BCLAF3: variants seen among roughly 807,000 people sequenced by gnomAD.
BCLAF3 encodes the protein transient octamer binding factor 1.
Under a neutral mutation model 51.2 loss-of-function variants are expected in BCLAF3, and 24 were observed. The observed-to-expected ratio is 0.47, with a 90% CI of 0.34 to 0.66. The LOEUF (loss-of-function observed/expected upper bound fraction) is 0.66, where lower values mean the gene tolerates loss of function less well. Among genes scored for constraint, BCLAF3 ranks in the 30% least tolerant of loss-of-function variants. BCLAF3 has a pLI of 0.01. For missense variants in BCLAF3, 465 were observed against 525.1 expected, an observed-to-expected ratio of 0.89 and a Z score of 1.12; for synonymous variants, 152 against 176.6, an observed-to-expected ratio of 0.86 and a Z score of 1.10.
intron 5 of BCLAF3, 81 bp from the exon 6 acceptor site, chrX:19,953,973 G>T: frequency 2.8e-6 from 3 of 1,082,156 alleles, no homozygotes; most frequent in Non-Finnish European, 3.6e-6. Flanking sequence ...AGAAAGAAGG[G>T]ATTATTTTTT....
chrX:19,950,963 G>A, intron 7 of BCLAF3, 95 bp from the exon 8 acceptor site: 1 of 547,613 alleles, frequency 1.8e-6, no homozygotes, highest in South Asian at 3.0e-5. Context: ...TCCTAGATAA[G>A]TTACCTTGTA....
In BCLAF3 at chrX:19,990,922, CCCGCCGCCGCCGCCGCCGCCGCCG is replaced by C. The variant is rs748679368; in HGVS notation, c.-73_-50del. ...GAGCCGCTCACCCGGCCGGGAAGCCCCCGCCGCCGCCGCCGCCGCCGCCGCCGCCGCCGCCGCCGCCGCCGCCGC... is the reference window on the plus strand; with the variant it reads ...GAGCCGCTCACCCGGCCGGGAAGCCCCCGCCGCCGCCGCCGCCGCCGCCGC... On this transcript the variant is annotated 5_prime_UTR_variant, in exon 1 of 12. Coordinates refer to ENST00000379682, the MANE Select transcript of BCLAF3 (RefSeq NM_001367774.2). Among the ~76,000 whole-genome samples, 301 of 84,584 alleles carry C rather than the reference CCCGCCGCCGCCGCCGCCGCCGCCG, an allele frequency of 3.6e-3. No homozygotes were observed. Among genetic ancestry groups the C allele is most frequent in the East Asian group, 0.031 (79 of 2,582 alleles). The allele number at this position is 84,584 out of a possible 115,157, so 73.5% of individuals were successfully genotyped here.
At chrX:19,953,698 G>T in intron 6 of BCLAF3, 80 bp downstream of exon 6, 1 of 765,583 alleles carries the variant, frequency 1.3e-6, no homozygotes. Flanking sequence ...GAGCAGGTTC[G>T]GAAAGCAGCC....
chrX:19,950,257 C>A (rs2071436989), intron 8 of BCLAF3, among the ~76,000 whole-genome samples: 1 of 111,942 alleles, frequency 8.9e-6, no homozygotes, highest in Non-Finnish European at 1.9e-5. Flanking sequence ...GCCTCAATTT[C>A]ATGGACGACA....
intron 1 of BCLAF3, among the ~76,000 whole-genome samples, chrX:19,988,141 A>G (rs1487052025): frequency 8.9e-6 from 1 of 112,063 alleles, no homozygotes; most frequent in Non-Finnish European, 1.9e-5. Flanking sequence ...CTGCCTGGAT[A>G]ATGTAGCCTG....
chrX:19,965,452 A>G lies in BCLAF3; in HGVS notation c.866T>C (p.Leu289Ser). Reference protein sequence around the residue: ...YDYRHKRPKLLDGDQDFSDGR... With the variant: ...YDYRHKRPKLSDGDQDFSDGR... ...ATCAGAAAAGTCCTGGTCCCCATCCAAGAGCTTAGGACGTTTGTGACGATA... is the reference window on the plus strand; with the variant it reads ...ATCAGAAAAGTCCTGGTCCCCATCCGAGAGCTTAGGACGTTTGTGACGATA... Residue 289 changes from leucine to serine, a missense_variant, in exon 4 of 12, where the codon TTG (leucine) becomes TCG (serine). Physicochemically the swap from Leu to Ser is moderately radical, Grantham distance 145. Coordinates refer to ENST00000379682, the MANE Select transcript of BCLAF3 (RefSeq NM_001367774.2). 10 of 1,211,832 alleles carry G rather than the reference A, an allele frequency of 8.3e-6. No homozygotes were observed. Among genetic ancestry groups the G allele is most frequent in the Non-Finnish European group, 1.1e-5 (10 of 895,511 alleles).
At chrX:19,948,616 G>A (rs764050500) in intron 8 of BCLAF3, among the ~76,000 whole-genome samples, 6 of 108,215 alleles carry the variant, frequency 5.5e-5, no homozygotes, top group Admixed American at 2.0e-4. Flanking sequence ...AAAAAAATAC[G>A]AAAAATTAGC....
chrX:19,945,533 G>A lies in BCLAF3; in HGVS notation c.1745+5220C>T, dbSNP rs762357714. The stretch of plus-strand genomic sequence containing the variant: ...TGCAGGTCTGTTGGAATACCCTGCC[G>A]TGTGAGGTGTCAGTGTGCCCCTGCT... On this transcript the variant is annotated intron_variant, in intron 8 of 11. Transcript: ENST00000379682. Among the ~76,000 whole-genome samples the A allele has an allele frequency of 3.0e-4, 27 of 89,142 alleles. No individual in the cohort carries two copies. In the East Asian group the frequency reaches 6.7e-3, roughly 22 times the overall value. 77.4% of individuals were successfully genotyped at this position (89,142 alleles called of 115,157 possible).
At chrX:19,987,333 CT>C (rs780902343) in intron 1 of BCLAF3, among the ~76,000 whole-genome samples, 2 of 112,285 alleles carry the variant, frequency 1.8e-5, no homozygotes, top group South Asian at 7.4e-4. Flanking sequence ...GAGACAGAGT[CT>C]TGCTCTGTCA....
chrX:19,933,357 A>C (rs1287994632), intron 10 of BCLAF3, among the ~76,000 whole-genome samples: 1 of 112,244 alleles, frequency 8.9e-6, no homozygotes, highest in Non-Finnish European at 1.9e-5. Flanking sequence ...TGTTTGGTTG[A>C]CTTAAGTTCC....
At chrX:19,975,726 C>T (rs779359471) in intron 1 of BCLAF3, among the ~76,000 whole-genome samples, 19 of 111,893 alleles carry the variant, frequency 1.7e-4, no homozygotes, top group Non-Finnish European at 3.0e-4. Flanking sequence ...TAGGCTCAAG[C>T]GATCCTCCTG....
In BCLAF3 at chrX:19,914,499, CTTTT is replaced by C. The variant is rs756781544; in HGVS notation, c.*2802_*2805del. 2 of 106,967 alleles carry C rather than the reference CTTTT, an allele frequency of 1.9e-5. 1 individual carries two copies. Among genetic ancestry groups the C allele is most frequent in the African/African-American group, 6.9e-5 (2 of 29,120 alleles). 8.8% of individuals were successfully genotyped at this position (106,967 alleles called of 1,213,427 possible). A position where few individuals can be genotyped will look rare whatever the true frequency, so the allele number is the denominator to read the frequency against. On this transcript the variant is annotated 3_prime_UTR_variant, in exon 12 of 12. Transcript: ENST00000379682. Reference sequence around the variant, plus strand: ...TGCTTCTGCCTGGAAGTATCCCCGTCTTTTTTTTAAAAAAAAAACTATTCAAAAA... The same window carrying C: ...TGCTTCTGCCTGGAAGTATCCCCGTCTTTTAAAAAAAAAACTATTCAAAAA...
intron 4 of BCLAF3, among the ~76,000 whole-genome samples, chrX:19,963,309 T>A (rs2071929137): frequency 9.4e-6 from 1 of 106,749 alleles, no homozygotes; most frequent in African/African-American, 3.4e-5. Flanking sequence ...CCTCCCAAAG[T>A]GCTGGGATTA....
intron 4 of BCLAF3, among the ~76,000 whole-genome samples, chrX:19,963,427 C>CA (rs1316383722): frequency 1.8e-5 from 2 of 110,087 alleles, no homozygotes; most frequent in Non-Finnish European, 3.8e-5. Flanking sequence ...TATAATAGCA[C>CA]AAAATTATTT....
chrX:19,982,864 C>G (rs969346882), intron 1 of BCLAF3, among the ~76,000 whole-genome samples: 8 of 109,246 alleles, frequency 7.3e-5, no homozygotes, highest in African/African-American at 1.7e-4. Context: ...CCACCTATTA[C>G]AATAAAAATT....
chrX:19,968,969 C>A (rs936674678), intron 2 of BCLAF3, among the ~76,000 whole-genome samples: 1 of 111,154 alleles, frequency 9.0e-6, no homozygotes. Context: ...AAAAATTAGC[C>A]GGGCGTGGTG....
intron 11 of BCLAF3, among the ~76,000 whole-genome samples, chrX:19,919,121 C>T (rs184187504): frequency 9.0e-6 from 1 of 111,537 alleles, no homozygotes; most frequent in Admixed American, 9.6e-5. Flanking sequence ...CTCCATTTCT[C>T]CCCAACCTCA....
intron 2 of BCLAF3, among the ~76,000 whole-genome samples, chrX:19,967,412 G>A (rs1443799279): frequency 9.0e-6 from 1 of 111,390 alleles, no homozygotes; most frequent in Non-Finnish European, 1.9e-5. Flanking sequence ...TTGTAACTTC[G>A]GTGAAGTTAT....
At chrX:19,921,382 A>G (rs1190289084) in intron 11 of BCLAF3, among the ~76,000 whole-genome samples, 1 of 112,410 alleles carries the variant, frequency 8.9e-6, no homozygotes, top group Non-Finnish European at 1.9e-5. Flanking sequence ...AATTTTCAAT[A>G]AACAGTGTTA....
Sources: gnomAD v4.1 joint callset for allele counts (sites outside exome capture counted in the v4.1 genomes callset) on GRCh38, gnomAD v4.1.1 for gene constraint, MANE v1.5 for transcripts, NCBI Gene and HGNC (gene_info 2026-07-23, HGNC 2026-07-21) for gene names.